Variants in CCDC149 observed in about 807,000 individuals in gnomAD.
CCDC149 encodes the protein coiled-coil domain-containing protein 149.
In CCDC149, 45 loss-of-function variants were observed where a neutral mutation model predicts 59.9. The ratio of observed to expected loss-of-function variants is 0.75; its 90% CI spans 0.59 to 0.96. The LOEUF (loss-of-function observed/expected upper bound fraction) is 0.96. Ranked by LOEUF, CCDC149 falls within the 40% of genes least tolerant of loss-of-function variation. The probability of loss-of-function intolerance (pLI) is 0.00; values close to 1 mark genes in which losing one functional copy is unlikely to be tolerated. For synonymous variants in CCDC149, 245 were observed against 260.6 expected (o/e 0.94, Z 0.58); for missense variants, 584 against 664.7 (o/e 0.88, Z 1.33).
chr4:24,951,517 G>A (rs1160347126), intron 1 of CCDC149, among the ~76,000 whole-genome samples: 1 of 152,076 alleles, frequency 6.6e-6, no homozygotes, highest in Non-Finnish European at 1.5e-5. Flanking sequence ...GCCAGGAAAT[G>A]GGAACAAAAT....
chr4:24,889,350 T>C lies in CCDC149; in HGVS notation c.64-12653A>G, dbSNP rs74405434. On this transcript the variant is annotated intron_variant, in intron 1 of 12. Transcript: ENST00000635206. ...GAAACCACCTCTCACTTGTTGAAGA[T>C]AGCATCTATTTCTAAAAATCATGGC... 8.4e-3 allele frequency among the ~76,000 whole-genome samples: 1,287 copies of C among 152,308 alleles called. 11 individuals carry two copies. Among genetic ancestry groups the C allele is most frequent in the South Asian group, 0.024 (118 of 4,826 alleles).
intron 1 of CCDC149, among the ~76,000 whole-genome samples, chr4:24,957,253 T>C (rs142035049): frequency 1.5e-4 from 23 of 152,274 alleles, no homozygotes; most frequent in African/African-American, 4.6e-4. Flanking sequence ...CATTGTTAGA[T>C]AGAAATGGTA....
chr4:24,901,928 C>T (rs1319821987), intron 1 of CCDC149, among the ~76,000 whole-genome samples: 1 of 152,192 alleles, frequency 6.6e-6, no homozygotes, highest in Non-Finnish European at 1.5e-5. Context: ...CCCATCAATG[C>T]TGTAACCCCT....
intron 1 of CCDC149, among the ~76,000 whole-genome samples, chr4:24,951,019 G>C (rs1291433701): frequency 6.6e-6 from 1 of 152,158 alleles, no homozygotes; most frequent in African/African-American, 2.4e-5. Flanking sequence ...ACCCCTTTAG[G>C]TTAAAAAGCA....
chr4:24,831,773 T>G (rs1716170885), intron 8 of CCDC149, 123 bp from the exon 9 acceptor site: 1 of 804,978 alleles, frequency 1.2e-6, no homozygotes, highest in South Asian at 2.1e-5. Flanking sequence ...TATGTTGTAT[T>G]GAGAGTCCAC....
chr4:24,946,192 T>C (rs1386297293), intron 1 of CCDC149, among the ~76,000 whole-genome samples: 1 of 152,228 alleles, frequency 6.6e-6, no homozygotes, highest in Non-Finnish European at 1.5e-5. Flanking sequence ...TTCTTCCCAG[T>C]GCTGTGACCA....
intron 1 of CCDC149, among the ~76,000 whole-genome samples, chr4:24,911,801 G>A (rs1026897018): frequency 6.6e-6 from 1 of 152,208 alleles, no homozygotes; most frequent in East Asian, 1.9e-4. Context: ...AGAAAACGAT[G>A]AAAGGAGTGA....
In CCDC149 at chr4:24,808,743, C is replaced by T; in HGVS notation, c.1269G>A (p.Arg423=). 1 of 1,552,026 alleles carries T rather than the reference C, an allele frequency of 6.4e-7. No homozygotes were observed. The highest frequency in any genetic ancestry group is 8.7e-7 in the Non-Finnish European group (1 of 1,147,064). ...GATTTGCTGGGGAGTTGACAGCGGG[C>T]CTCCCAGCATCCTCAGGCGCTGTCA... The change falls in exon 13 of 13, where the codon AGG becomes AGA. Residue 423 remains arginine, a synonymous_variant. Coordinates refer to ENST00000635206, the MANE Select transcript of CCDC149 (RefSeq NM_001330643.2).
At chr4:24,903,822 CAG>C (rs1394644524) in intron 1 of CCDC149, among the ~76,000 whole-genome samples, 5 of 127,840 alleles carry the variant, frequency 3.9e-5, no homozygotes, top group Admixed American at 8.5e-5. Context: ...TTTTTTGAAA[CAG>C]AGTTTCGCTC....
chr4:24,867,537 T>C (rs1718775580), intron 3 of CCDC149, among the ~76,000 whole-genome samples: 1 of 152,252 alleles, frequency 6.6e-6, no homozygotes, highest in Admixed American at 6.5e-5. Flanking sequence ...GTTTTCTATC[T>C]ATACTTGAGA....
chr4:24,927,714 T>C (rs1189731379), intron 1 of CCDC149, among the ~76,000 whole-genome samples: 1 of 152,164 alleles, frequency 6.6e-6, no homozygotes, highest in Non-Finnish European at 1.5e-5. Context: ...TAACTTGATC[T>C]ACCACCTCCT....
chr4:24,923,491 AG>A (rs1179707151), intron 1 of CCDC149, among the ~76,000 whole-genome samples: 1 of 152,214 alleles, frequency 6.6e-6, no homozygotes, highest in Non-Finnish European at 1.5e-5. Flanking sequence ...AAGAAAAAAA[AG>A]GTTTTCTTTG....
intron 1 of CCDC149, among the ~76,000 whole-genome samples, chr4:24,911,980 G>T (rs1331707208): frequency 6.6e-6 from 1 of 152,212 alleles, no homozygotes; most frequent in African/African-American, 2.4e-5. Flanking sequence ...GTAACACCAG[G>T]AATTGCCCCC....
chr4:24,855,361 T>C (rs1320266942), intron 3 of CCDC149, among the ~76,000 whole-genome samples: 2 of 152,104 alleles, frequency 1.3e-5, no homozygotes, highest in Non-Finnish European at 2.9e-5. Context: ...GGTCAGGAGT[T>C]CAAGACCAGC....
intron 3 of CCDC149, among the ~76,000 whole-genome samples, chr4:24,867,149 A>T (rs1464943008): frequency 6.6e-6 from 1 of 152,186 alleles, no homozygotes; most frequent in Non-Finnish European, 1.5e-5. Context: ...GAAAAATTAA[A>T]AATATCCAGT....
chr4:24,881,265 A>G (rs577045553), intron 1 of CCDC149, among the ~76,000 whole-genome samples: 3 of 152,342 alleles, frequency 2.0e-5, no homozygotes, highest in South Asian at 4.1e-4. Flanking sequence ...CCTTCCAGGC[A>G]TGTGGCAGGA....
At chr4:24,862,237 T>C (rs800484) in intron 3 of CCDC149, among the ~76,000 whole-genome samples, 136,406 of 152,210 alleles carry the variant, frequency 0.9, 61,271 homozygotes, top group African/African-American at 0.95. Context: ...TGACGAGAAA[T>C]TGAAGTCACA....
At chr4:24,940,512 A>G (rs970601547) in intron 1 of CCDC149, among the ~76,000 whole-genome samples, 1 of 152,240 alleles carries the variant, frequency 6.6e-6, no homozygotes, top group Non-Finnish European at 1.5e-5. Flanking sequence ...ACCAGCTAAC[A>G]TCATAATGAC....
At chr4:24,855,057 C>T (rs985972417) in intron 3 of CCDC149, among the ~76,000 whole-genome samples, 1 of 152,180 alleles carries the variant, frequency 6.6e-6, no homozygotes, top group Non-Finnish European at 1.5e-5. Context: ...CCTTGTCTCC[C>T]TCTCCTTACT....
Sources: allele counts gnomAD v4.1 joint callset (sites outside exome capture counted in the v4.1 genomes callset), GRCh38; gene constraint gnomAD v4.1.1; transcripts MANE v1.5; gene names NCBI Gene and HGNC (gene_info 2026-07-23, HGNC 2026-07-21).